The following ARHGEF4 variants were observed in gnomAD, a reference collection of about 807,000 sequenced individuals.
ARHGEF4 encodes APC-stimulated guanine nucleotide exchange factor 1.
Under a neutral mutation model 162.0 loss-of-function variants are expected in ARHGEF4, and 119 were observed. That is an observed-to-expected ratio of 0.73 (90% CI 0.63 to 0.86). The LOEUF (loss-of-function observed/expected upper bound fraction) is 0.86, where lower values mean the gene tolerates loss of function less well. Ranked by LOEUF, ARHGEF4 falls within the 40% of genes least tolerant of loss-of-function variation. The pLI, the probability that ARHGEF4 is intolerant of heterozygous loss-of-function variation, is 0.00. For synonymous variants in ARHGEF4, 1,014 were observed against 979.9 expected (o/e 1.03, Z -0.65); for missense variants, 2,488 against 2,456.0 (o/e 1.01, Z -0.28).
intron 4 of ARHGEF4, among the ~76,000 whole-genome samples, chr2:131,024,463 G>C (rs547020271): frequency 3.9e-5 from 6 of 152,254 alleles, no homozygotes; most frequent in Admixed American, 6.5e-5. Flanking sequence ...TTTTAGTAGA[G>C]ACAGGATTTC....
chr2:130,973,086 T>C (rs1195652826), intron 4 of ARHGEF4, among the ~76,000 whole-genome samples: 1 of 152,264 alleles, frequency 6.6e-6, no homozygotes, highest in African/African-American at 2.4e-5. Context: ...TAAACATCTG[T>C]ATATTAATAA....
chr2:130,839,452 C>T (rs1574073363), intron 1 of ARHGEF4, among the ~76,000 whole-genome samples: 1 of 152,200 alleles, frequency 6.6e-6, no homozygotes, highest in South Asian at 2.1e-4. Context: ...AGGAGGAGGA[C>T]CCCAAGGCCC....
chr2:130,995,398 G>A (rs1333908901), intron 4 of ARHGEF4, among the ~76,000 whole-genome samples: 1 of 152,098 alleles, frequency 6.6e-6, no homozygotes, highest in Non-Finnish European at 1.5e-5. Flanking sequence ...CATTGAGATA[G>A]TCAACCTTGC....
At chr2:130,981,560 G>A (rs932364356) in intron 4 of ARHGEF4, among the ~76,000 whole-genome samples, 5 of 151,578 alleles carry the variant, frequency 3.3e-5, no homozygotes, top group Admixed American at 1.3e-4. Context: ...TCAGGAGGCT[G>A]AGGCAGGAAA....
At chr2:130,927,292 A>T (rs1281354540) in intron 2 of ARHGEF4, among the ~76,000 whole-genome samples, 1 of 152,078 alleles carries the variant, frequency 6.6e-6, no homozygotes, top group Non-Finnish European at 1.5e-5. Flanking sequence ...TCAGGGGAGG[A>T]ATGCCTCACT....
intron 4 of ARHGEF4, among the ~76,000 whole-genome samples, chr2:130,994,937 C>T (rs1687282449): frequency 2.0e-5 from 3 of 152,210 alleles, no homozygotes; most frequent in Admixed American, 6.5e-5. Context: ...GTCAGCCTGA[C>T]TCCTCCTCGG....
chr2:131,044,181 TG>T, intron 11 of ARHGEF4, 117 bp from the exon 12 acceptor site: 1 of 1,431,474 alleles, frequency 7.0e-7, no homozygotes, highest in Non-Finnish European at 9.5e-7. Flanking sequence ...CACTGTCTGC[TG>T]GGGAGGTGGA....
chr2:130,996,158 G>C (rs566076408), intron 4 of ARHGEF4, among the ~76,000 whole-genome samples: 7 of 152,208 alleles, frequency 4.6e-5, no homozygotes, highest in Non-Finnish European at 7.4e-5. Context: ...AAAGTGCTGG[G>C]ATTACAGGCA....
intron 10 of ARHGEF4, among the ~76,000 whole-genome samples, chr2:131,042,426 A>G (rs978701272): frequency 2.6e-5 from 4 of 152,044 alleles, no homozygotes; most frequent in African/African-American, 9.7e-5. Context: ...CCTTAGAACT[A>G]ATGACGATGT....
chr2:130,880,416 A>G (rs1277385423), intron 1 of ARHGEF4, among the ~76,000 whole-genome samples: 1 of 152,218 alleles, frequency 6.6e-6, no homozygotes, highest in East Asian at 1.9e-4. Context: ...TAATAATAGA[A>G]GGAGTAGCTT....
chr2:131,030,162 G>C (rs1176136702), intron 5 of ARHGEF4, among the ~76,000 whole-genome samples: 1 of 152,206 alleles, frequency 6.6e-6, no homozygotes, highest in Non-Finnish European at 1.5e-5. Flanking sequence ...CGTTGATCTT[G>C]TGTCTGCATT....
chr2:130,926,056 T>TTCTTTCTTTCTTTC (rs1682260890), intron 2 of ARHGEF4, among the ~76,000 whole-genome samples: 1 of 103,080 alleles, frequency 9.7e-6, no homozygotes, highest in Admixed American at 1.0e-4. Context: ...TTCTCTTTCT[T>TTCTTTCTTTCTTTC]TCTTTCTTTC....
intron 1 of ARHGEF4, among the ~76,000 whole-genome samples, chr2:130,894,471 C>T (rs943190641): frequency 2.0e-5 from 3 of 152,210 alleles, no homozygotes; most frequent in East Asian, 1.9e-4. Flanking sequence ...TAAACAAGCA[C>T]GGAGACACCT....
At chr2:131,017,485 G>A (rs191573932) in intron 4 of ARHGEF4, among the ~76,000 whole-genome samples, 30 of 152,238 alleles carry the variant, frequency 2.0e-4, no homozygotes, top group African/African-American at 6.3e-4. Flanking sequence ...GTTGAAACTC[G>A]CTTTTCTTTT....
chr2:131,033,439 C>G (rs1280439245), intron 5 of ARHGEF4, among the ~76,000 whole-genome samples: 1 of 152,214 alleles, frequency 6.6e-6, no homozygotes, highest in Non-Finnish European at 1.5e-5. Flanking sequence ...GAGCAGGCTG[C>G]TGTAGACCCT....
At chr2:130,934,900 A>G (rs4850319) in intron 3 of ARHGEF4, among the ~76,000 whole-genome samples, 87,612 of 152,036 alleles carry the variant, frequency 0.58, 29,639 homozygotes, top group East Asian at 0.84. Flanking sequence ...GAATTTCTCC[A>G]TTTTATCTAC....
rs1249587118 is a variant in ARHGEF4 at position 130,999,160 on chromosome 2, CTT to C, written c.3986-28770_3986-28769del. On this transcript the variant is annotated intron_variant, in intron 4 of 13. Coordinates refer to ENST00000409359, the MANE Select transcript of ARHGEF4 (RefSeq NM_001367493.1). The stretch of plus-strand genomic sequence containing the variant: ...ATAATTGAGGGTTTTTTTGTTTTTT[CTT>C]TTTTTTTTTTTTTTGAGACGGAGTC... Among the ~76,000 whole-genome samples the C allele has an allele frequency of 1.1e-4, 15 of 135,922 alleles. 1 individual carries two copies. Among genetic ancestry groups the C allele is most frequent in the South Asian group, 9.4e-4 (4 of 4,248 alleles). 89.2% of individuals were successfully genotyped at this position (135,922 alleles called of 152,430 possible).
intron 4 of ARHGEF4, among the ~76,000 whole-genome samples, chr2:131,024,289 GT>G (rs758571947): frequency 1.3e-5 from 2 of 152,122 alleles, no homozygotes; most frequent in African/African-American, 2.4e-5. Flanking sequence ...GGCGGGGGGT[GT>G]TTTGAGACAG....
chr2:131,034,310 T>G (rs113931550), intron 5 of ARHGEF4, among the ~76,000 whole-genome samples: 1 of 152,212 alleles, frequency 6.6e-6, no homozygotes, highest in African/African-American at 2.4e-5. Context: ...ACACTGACTG[T>G]ACCTGGGCTG....
Sources: gnomAD v4.1 joint callset for allele counts (sites outside exome capture counted in the v4.1 genomes callset) on GRCh38, gnomAD v4.1.1 for gene constraint, MANE v1.5 for transcripts, NCBI Gene and HGNC (gene_info 2026-07-23, HGNC 2026-07-21) for gene names.